ERBB4: variants seen among roughly 807,000 people sequenced by gnomAD.
ERBB4 encodes erb-b2 receptor tyrosine kinase 4.
In ERBB4, 42 loss-of-function variants were observed where a neutral mutation model predicts 158.0. That is an observed-to-expected ratio of 0.27 (90% CI 0.21 to 0.34). The LOEUF (loss-of-function observed/expected upper bound fraction) is 0.34, where lower values mean the gene tolerates loss of function less well. Among genes scored for constraint, ERBB4 ranks in the 10% least tolerant of loss-of-function variants. ERBB4 has a pLI of 1.00. For synonymous variants in ERBB4, 583 were observed against 558.7 expected (o/e 1.04, Z -0.61); for missense variants, 1,333 against 1,624.1 (o/e 0.82, Z 3.08).
chr2:211,581,731 G>A (rs2068110445), intron 19 of ERBB4, among the ~76,000 whole-genome samples: 1 of 152,068 alleles, frequency 6.6e-6, no homozygotes, highest in Admixed American at 6.6e-5. Flanking sequence ...TCATGTAGTG[G>A]CCGGACATGG....
At chr2:212,514,239 C>T (rs1372666116) in intron 1 of ERBB4, among the ~76,000 whole-genome samples, 1 of 150,678 alleles carries the variant, frequency 6.6e-6, no homozygotes, top group Non-Finnish European at 1.5e-5. Flanking sequence ...CCATTGACAA[C>T]ATATTTCCTT....
At chr2:212,075,204 C>T (rs1193371382) in intron 2 of ERBB4, among the ~76,000 whole-genome samples, 1 of 151,694 alleles carries the variant, frequency 6.6e-6, no homozygotes, top group Admixed American at 6.6e-5. Flanking sequence ...AAAAGAAATA[C>T]TAATTAATGG....
chr2:212,048,351 AAAGT>A (rs2077311002), intron 2 of ERBB4, among the ~76,000 whole-genome samples: 1 of 152,208 alleles, frequency 6.6e-6, no homozygotes, highest in Non-Finnish European at 1.5e-5. Flanking sequence ...GCAGTAGTGT[AAAGT>A]AAGAATTGCA....
In ERBB4 at chr2:211,448,029, G is replaced by C. The variant is rs569883234; in HGVS notation, c.2488-16929C>G. Reference sequence around the variant, plus strand: ...GCTCTGTCACCCAGGATGGAGTGCAGTGGCACCATCTCCACTTACTGCAAC... The same window carrying C: ...GCTCTGTCACCCAGGATGGAGTGCACTGGCACCATCTCCACTTACTGCAAC... On this transcript the variant is annotated intron_variant, in intron 20 of 27. Transcript: ENST00000342788. Among the ~76,000 whole-genome samples, 29 of 152,206 alleles carry C rather than the reference G, an allele frequency of 1.9e-4. No homozygotes were observed. The South Asian group carries it at 5.8e-3, about 30-fold the overall frequency.
intron 2 of ERBB4, among the ~76,000 whole-genome samples, chr2:212,054,586 C>T (rs969241440): frequency 1.4e-4 from 22 of 152,248 alleles, no homozygotes; most frequent in African/African-American, 4.1e-4. Flanking sequence ...AGGTCCCAGG[C>T]CATCTTCACC....
At chr2:211,904,506 C>T (rs1327704329) in intron 3 of ERBB4, among the ~76,000 whole-genome samples, 1 of 151,916 alleles carries the variant, frequency 6.6e-6, no homozygotes, top group African/African-American at 2.4e-5. Context: ...TTATAAAATA[C>T]CATACAGTAG....
At chr2:211,866,304 C>T (rs1286872438) in intron 3 of ERBB4, among the ~76,000 whole-genome samples, 1 of 152,094 alleles carries the variant, frequency 6.6e-6, no homozygotes, top group Non-Finnish European at 1.5e-5. Context: ...CTCTGGGTTC[C>T]ACTCTGAACT....
intron 25 of ERBB4, among the ~76,000 whole-genome samples, chr2:211,411,169 A>G (rs1025441574): frequency 1.3e-5 from 2 of 152,224 alleles, no homozygotes; most frequent in African/African-American, 2.4e-5. Context: ...AGCCTCCCAA[A>G]GTGCTGGGAT....
chr2:211,470,290 G>A (rs1393972985), intron 20 of ERBB4, among the ~76,000 whole-genome samples: 1 of 152,004 alleles, frequency 6.6e-6, no homozygotes, highest in East Asian at 1.9e-4. Context: ...AAAAAGAAAA[G>A]GACAATGTTA....
intron 3 of ERBB4, among the ~76,000 whole-genome samples, chr2:211,818,251 G>T (rs2076920474): frequency 6.6e-6 from 1 of 152,060 alleles, no homozygotes; most frequent in Admixed American, 6.6e-5. Context: ...TAAATATTTA[G>T]GGGACACCAT....
chr2:212,329,224 A>G lies in ERBB4; in HGVS notation c.83-204321T>C, dbSNP rs1271258896. Among the ~76,000 whole-genome samples the G allele has an allele frequency of 2.6e-5, 4 of 152,042 alleles. No individual in the cohort carries two copies. In the East Asian group the frequency reaches 7.8e-4, roughly 30 times the overall value. On this transcript the variant is annotated intron_variant, in intron 1 of 27. Transcript: ENST00000342788. ...CATCTGCAATGAATAACAAAGTATT[A>G]AAAAGAAGAGAGGAAGAAAAAAAAA...
At chr2:212,097,395 T>TTCAG (rs1231614388) in intron 2 of ERBB4, among the ~76,000 whole-genome samples, 62 of 152,254 alleles carry the variant, frequency 4.1e-4, no homozygotes, top group African/African-American at 1.4e-3. Context: ...AAGGATACAT[T>TTCAG]GTGAGCATAG....
At chr2:211,606,770 T>C (rs2068995296) in intron 19 of ERBB4, among the ~76,000 whole-genome samples, 1 of 152,192 alleles carries the variant, frequency 6.6e-6, no homozygotes. Flanking sequence ...TAAAATGTGT[T>C]TTCTTTCGTA....
intron 2 of ERBB4, among the ~76,000 whole-genome samples, chr2:212,034,204 C>T (rs182427747): frequency 3.0e-4 from 45 of 151,972 alleles, no homozygotes; most frequent in Middle Eastern, 6.8e-3. Context: ...TTATATGTCC[C>T]TTCAGAGAGA....
chr2:212,032,019 C>T (rs1040816873), intron 2 of ERBB4, among the ~76,000 whole-genome samples: 1 of 152,050 alleles, frequency 6.6e-6, no homozygotes, highest in African/African-American at 2.4e-5. Flanking sequence ...GTAAGAATGA[C>T]TCTGCCAAGT....
intron 3 of ERBB4, among the ~76,000 whole-genome samples, chr2:211,894,299 A>T (rs1489371475): frequency 4.1e-5 from 6 of 147,968 alleles, no homozygotes; most frequent in Non-Finnish European, 8.9e-5. Context: ...TTCTCAGTAA[A>T]CTATCACAAG....
chr2:211,608,748 C>T (rs1027039741), intron 19 of ERBB4, among the ~76,000 whole-genome samples: 1 of 152,086 alleles, frequency 6.6e-6, no homozygotes, highest in Non-Finnish European at 1.5e-5. Flanking sequence ...TTCCACTATA[C>T]TCCATTTCCT....
chr2:211,604,870 T>TAA (rs2068927811), intron 19 of ERBB4, among the ~76,000 whole-genome samples: 1 of 152,202 alleles, frequency 6.6e-6, no homozygotes, highest in Non-Finnish European at 1.5e-5. Flanking sequence ...GGCATATATA[T>TAA]AACCCTTTAG....
chr2:212,205,695 T>C (rs2082724998), intron 1 of ERBB4, among the ~76,000 whole-genome samples: 1 of 152,156 alleles, frequency 6.6e-6, no homozygotes, highest in African/African-American at 2.4e-5. Context: ...CAATAACAAA[T>C]ACACCATCTT....
Sources: allele counts gnomAD v4.1 joint callset (sites outside exome capture counted in the v4.1 genomes callset), GRCh38; gene constraint gnomAD v4.1.1; transcripts MANE v1.5; gene names NCBI Gene and HGNC (gene_info 2026-07-23, HGNC 2026-07-21).